Variants in LRMDA observed in about 807,000 individuals in gnomAD.
LRMDA encodes leucine rich melanocyte differentiation associated.
A neutral mutation model predicts 29.8 loss-of-function variants in LRMDA; 18 were observed. The ratio of observed to expected loss-of-function variants is 0.60; its 90% CI spans 0.42 to 0.90. LRMDA has a LOEUF of 0.90. LRMDA is among the 40% of genes least tolerant of loss of function. The pLI is 0.00. For synonymous variants in LRMDA, 125 were observed against 109.4 expected (o/e 1.14, Z -0.89); for missense variants, 273 against 273.9 (o/e 1.00, Z 0.02).
intron 6 of LRMDA, among the ~76,000 whole-genome samples, chr10:76,418,542 G>C (rs1204697534): frequency 6.6e-6 from 1 of 151,822 alleles, no homozygotes; most frequent in African/African-American, 2.4e-5. Flanking sequence ...AGAGTTTCTA[G>C]AGTTTTTGGT....
At position 76,088,866 on chromosome 10, in the gene LRMDA, CTA is replaced by C. The variant is rs1402557019; in HGVS notation, c.516+30085_516+30086del. 2.6e-5 allele frequency among the ~76,000 whole-genome samples: 4 copies of C among 152,146 alleles called. No individual in the cohort carries two copies. The East Asian group carries it at 7.7e-4, about 29-fold the overall frequency. ...TTCTTTATTTATCTTCTTTGTGATT[CTA>C]TTGATTCTGTTGGGATCCCTTCTCA... On this transcript the variant is annotated intron_variant, in intron 5 of 6. Coordinates refer to ENST00000611255, the MANE Select transcript of LRMDA (RefSeq NM_001305581.2).
chr10:76,537,009 T>C (rs1228016658), intron 6 of LRMDA, among the ~76,000 whole-genome samples: 3 of 152,270 alleles, frequency 2.0e-5, no homozygotes, highest in Non-Finnish European at 4.4e-5. Context: ...CATCTATTTG[T>C]ATTTATATTT....
intron 2 of LRMDA, among the ~76,000 whole-genome samples, chr10:75,840,459 G>A (rs1016650683): frequency 6.6e-6 from 1 of 152,240 alleles, no homozygotes; most frequent in Non-Finnish European, 1.5e-5. Flanking sequence ...CACTTAGGGA[G>A]TTGTCAACAT....
intron 2 of LRMDA, among the ~76,000 whole-genome samples, chr10:75,476,155 C>T (rs1005634686): frequency 5.3e-5 from 8 of 152,228 alleles, no homozygotes; most frequent in Non-Finnish European, 1.0e-4. Flanking sequence ...CTTGTTCTCA[C>T]TGGGTTTCTC....
chr10:75,498,184 C>T (rs1009506910), intron 2 of LRMDA, among the ~76,000 whole-genome samples: 6 of 152,144 alleles, frequency 3.9e-5, no homozygotes, highest in Non-Finnish European at 7.4e-5. Context: ...CCCTAAGTCC[C>T]CTTTGATCTC....
intron 2 of LRMDA, among the ~76,000 whole-genome samples, chr10:75,732,432 T>TATTTATAA (rs1481723265): frequency 1.3e-5 from 2 of 152,262 alleles, no homozygotes; most frequent in Non-Finnish European, 2.9e-5. Flanking sequence ...TAAACCAAAC[T>TATTTATAA]AACAAATGCT....
chr10:76,423,662 A>C lies in LRMDA; in HGVS notation c.601+99177A>C, dbSNP rs563350916. Among the ~76,000 whole-genome samples, 48 of 152,326 alleles carry C rather than the reference A, an allele frequency of 3.2e-4. 1 individual carries two copies. In the South Asian group the frequency reaches 7.0e-3, roughly 22 times the overall value. Reference sequence around the variant, plus strand: ...TATAAAGGGAATGGCACTGTTTCAAACTTAGCTGCTGCTATTGCTGCTGTT... The same window carrying C: ...TATAAAGGGAATGGCACTGTTTCAACCTTAGCTGCTGCTATTGCTGCTGTT... On this transcript the variant is annotated intron_variant, in intron 6 of 6. Coordinates refer to ENST00000611255, the MANE Select transcript of LRMDA (RefSeq NM_001305581.2).
chr10:75,722,635 G>A (rs978480575), intron 2 of LRMDA, among the ~76,000 whole-genome samples: 4 of 152,164 alleles, frequency 2.6e-5, no homozygotes, highest in African/African-American at 9.7e-5. Flanking sequence ...ACTCTGTATG[G>A]TAGGGCGATG....
At chr10:76,331,889 TTTGACAGTAGTGG>T (rs1188946983) in intron 6 of LRMDA, among the ~76,000 whole-genome samples, 6 of 152,224 alleles carry the variant, frequency 3.9e-5, no homozygotes, top group African/African-American at 1.4e-4. Flanking sequence ...TGACTAGTGA[TTTGACAGTAGTGG>T]TTGACAGGTT....
chr10:75,622,799 C>T (rs1841204771), intron 2 of LRMDA, among the ~76,000 whole-genome samples: 1 of 152,124 alleles, frequency 6.6e-6, no homozygotes, highest in Non-Finnish European at 1.5e-5. Flanking sequence ...TATTAAGATA[C>T]ACTGCTTTTA....
At chr10:76,392,562 T>C (rs1841735046) in intron 6 of LRMDA, among the ~76,000 whole-genome samples, 1 of 151,678 alleles carries the variant, frequency 6.6e-6, no homozygotes, top group Non-Finnish European at 1.5e-5. Flanking sequence ...CCAGTGAGCA[T>C]TTTTTTTGAG....
chr10:75,763,242 G>A (rs1215863003), intron 2 of LRMDA, among the ~76,000 whole-genome samples: 1 of 152,052 alleles, frequency 6.6e-6, no homozygotes, highest in East Asian at 1.9e-4. Context: ...ATCTTTCCTT[G>A]ACAATGAAAG....
intron 6 of LRMDA, among the ~76,000 whole-genome samples, chr10:76,414,383 G>A (rs1479953899): frequency 6.6e-6 from 1 of 152,142 alleles, no homozygotes; most frequent in Non-Finnish European, 1.5e-5. Context: ...TGAAGTTATG[G>A]TGCTATACTT....
intron 2 of LRMDA, among the ~76,000 whole-genome samples, chr10:75,625,491 T>G (rs981057059): frequency 1.3e-5 from 2 of 152,128 alleles, no homozygotes; most frequent in African/African-American, 2.4e-5. Flanking sequence ...TAGATCAGGG[T>G]AGGGTGGGGT....
chr10:75,820,648 G>T (rs1844141645), intron 2 of LRMDA, among the ~76,000 whole-genome samples: 1 of 151,770 alleles, frequency 6.6e-6, no homozygotes, highest in African/African-American at 2.4e-5. Flanking sequence ...GCTAGCAGAA[G>T]AAAAGAAATA....
At chr10:76,004,002 C>T (rs1275097337) in intron 2 of LRMDA, among the ~76,000 whole-genome samples, 1 of 152,070 alleles carries the variant, frequency 6.6e-6, no homozygotes, top group Non-Finnish European at 1.5e-5. Context: ...GGATGAATGA[C>T]ATGAGTGGTT....
chr10:75,605,125 A>C (rs1233913450), intron 2 of LRMDA, among the ~76,000 whole-genome samples: 1 of 152,228 alleles, frequency 6.6e-6, no homozygotes, highest in Non-Finnish European at 1.5e-5. Context: ...TAAACTGGGA[A>C]TGCCACACAG....
intron 2 of LRMDA, among the ~76,000 whole-genome samples, chr10:75,481,539 C>T (rs922826801): frequency 2.0e-5 from 3 of 152,190 alleles, no homozygotes; most frequent in African/African-American, 4.8e-5. Context: ...TCATCTTCAT[C>T]AACAACCATG....
intron 2 of LRMDA, among the ~76,000 whole-genome samples, chr10:75,868,410 T>A (rs1845054885): frequency 1.3e-5 from 2 of 152,216 alleles, no homozygotes; most frequent in East Asian, 3.8e-4. Flanking sequence ...CTGTATTACA[T>A]GACTATACTA....
Sources: gnomAD v4.1 joint callset for allele counts (sites outside exome capture counted in the v4.1 genomes callset) on GRCh38, gnomAD v4.1.1 for gene constraint, MANE v1.5 for transcripts, NCBI Gene and HGNC (gene_info 2026-07-23, HGNC 2026-07-21) for gene names.